Variants in DPP6 observed in about 807,000 individuals in gnomAD.
The protein encoded by DPP6 is dipeptidyl peptidase like 6.
A neutral mutation model predicts 122.6 loss-of-function variants in DPP6; 69 were observed. The ratio of observed to expected loss-of-function variants is 0.56; its 90% confidence interval spans 0.46 to 0.69. The LOEUF (loss-of-function observed/expected upper bound fraction) is 0.69, where lower values mean the gene tolerates loss of function less well. Among genes scored for constraint, DPP6 ranks in the 30% least tolerant of loss-of-function variants. The pLI, the probability that DPP6 is intolerant of heterozygous loss-of-function variation, is 0.00. For missense variants in DPP6, 928 were observed against 1,116.9 expected, an observed-to-expected ratio of 0.83 and a Z score of 2.41; for synonymous variants, 418 against 433.1, an observed-to-expected ratio of 0.97 and a Z score of 0.43.
chr7:154,075,174 G>A (rs1803468872), intron 1 of DPP6, among the ~76,000 whole-genome samples: 1 of 151,746 alleles, frequency 6.6e-6, no homozygotes, highest in Non-Finnish European at 1.5e-5. Flanking sequence ...GCATGGATAT[G>A]GTGAAAAGGG....
intron 14 of DPP6, among the ~76,000 whole-genome samples, chr7:154,804,239 G>A (rs144038400): frequency 2.6e-5 from 4 of 152,370 alleles, no homozygotes; most frequent in Non-Finnish European, 5.9e-5. Context: ...GATGTTGATT[G>A]AGTTTTTACT....
chr7:154,789,249 T>C (rs1168678516), intron 10 of DPP6, among the ~76,000 whole-genome samples: 2 of 152,222 alleles, frequency 1.3e-5, no homozygotes, highest in Non-Finnish European at 2.9e-5. Flanking sequence ...TTTTTTTTTC[T>C]ACCTTCTTAA....
intron 1 of DPP6, among the ~76,000 whole-genome samples, chr7:154,257,708 C>CAAATAAAT (rs34222497): frequency 1.3e-5 from 2 of 151,596 alleles, no homozygotes; most frequent in Non-Finnish European, 2.9e-5. Context: ...CAAAAATAAA[C>CAAATAAAT]AAATAAATAA....
chr7:154,387,780 T>C (rs968768676), intron 1 of DPP6, among the ~76,000 whole-genome samples: 4 of 152,248 alleles, frequency 2.6e-5, no homozygotes, highest in African/African-American at 9.6e-5. Flanking sequence ...CCCCCTTTTA[T>C]GTCAGTCACC....
chr7:154,693,996 G>A (rs982092585), intron 7 of DPP6, among the ~76,000 whole-genome samples: 1 of 152,170 alleles, frequency 6.6e-6, no homozygotes, highest in Non-Finnish European at 1.5e-5. Context: ...ATCGTAGACT[G>A]GGGTGCTTAG....
At chr7:154,142,644 A>T (rs1471922187) in intron 1 of DPP6, among the ~76,000 whole-genome samples, 1 of 152,242 alleles carries the variant, frequency 6.6e-6, no homozygotes, top group East Asian at 1.9e-4. Context: ...GATTAATGTC[A>T]CATGGACTTC....
chr7:153,927,709 A>G (rs1800967166), intron 1 of DPP6, among the ~76,000 whole-genome samples: 1 of 152,098 alleles, frequency 6.6e-6, no homozygotes, highest in South Asian at 2.1e-4. Flanking sequence ...GTATAATCCA[A>G]CCACCCTAGG....
intron 1 of DPP6, among the ~76,000 whole-genome samples, chr7:154,212,077 G>A (rs1799772308): frequency 6.6e-6 from 1 of 152,040 alleles, no homozygotes; most frequent in Admixed American, 6.6e-5. Context: ...AGACAGGGTG[G>A]GTACCTTGCC....
At chr7:154,454,204 G>C (rs1381336608) in intron 2 of DPP6, among the ~76,000 whole-genome samples, 1 of 152,150 alleles carries the variant, frequency 6.6e-6, no homozygotes, top group Non-Finnish European at 1.5e-5. Flanking sequence ...TTGCCCTGGG[G>C]CATCTGCTCT....
intron 21 of DPP6, among the ~76,000 whole-genome samples, chr7:154,883,124 CACAT>C (rs1805551787): frequency 6.6e-6 from 1 of 151,392 alleles, no homozygotes; most frequent in African/African-American, 2.4e-5. Context: ...CATGTGCTCA[CACAT>C]ACACACACAT....
chr7:153,998,071 C>T (rs1440136316), intron 1 of DPP6, among the ~76,000 whole-genome samples: 3 of 150,956 alleles, frequency 2.0e-5, no homozygotes, highest in South Asian at 2.1e-4. Context: ...ACCGAGTCAC[C>T]GACTGTGAGA....
intron 1 of DPP6, among the ~76,000 whole-genome samples, chr7:154,381,815 A>C (rs1010808804): frequency 3.3e-5 from 5 of 152,162 alleles, no homozygotes; most frequent in Non-Finnish European, 7.3e-5. Flanking sequence ...GTGCAGGGCA[A>C]CTGTGGGTCT....
At chr7:154,321,374 A>C (rs1044341089) in intron 1 of DPP6, among the ~76,000 whole-genome samples, 8 of 152,082 alleles carry the variant, frequency 5.3e-5, no homozygotes, top group Admixed American at 5.2e-4. Flanking sequence ...TCTGGGGTGC[A>C]GGGGTGCCAC....
chr7:154,495,744 A>C (rs935556619), intron 3 of DPP6, among the ~76,000 whole-genome samples: 1 of 152,166 alleles, frequency 6.6e-6, no homozygotes, highest in Non-Finnish European at 1.5e-5. Flanking sequence ...TGCAGGAACC[A>C]GTGCGGGGAG....
intron 1 of DPP6, among the ~76,000 whole-genome samples, chr7:154,268,128 T>G (rs2150928519): frequency 6.6e-6 from 1 of 152,182 alleles, no homozygotes. Flanking sequence ...GTCTGAAAGT[T>G]TATGGTTCTA....
At chr7:154,218,239 G>T (rs1449928786) in intron 1 of DPP6, among the ~76,000 whole-genome samples, 1 of 152,106 alleles carries the variant, frequency 6.6e-6, no homozygotes, top group Non-Finnish European at 1.5e-5. Context: ...GAAGTGCCAG[G>T]ATCACTAGAA....
At chr7:154,230,997 A>G (rs775634720) in intron 1 of DPP6, among the ~76,000 whole-genome samples, 11 of 152,230 alleles carry the variant, frequency 7.2e-5, no homozygotes, top group Non-Finnish European at 1.6e-4. Flanking sequence ...GTAATTGGCA[A>G]TTACTTATTT....
chr7:154,174,229 C>G (rs1563277846), intron 1 of DPP6, among the ~76,000 whole-genome samples: 1 of 152,214 alleles, frequency 6.6e-6, no homozygotes, highest in Admixed American at 6.5e-5. Context: ...TCTTGCAGTT[C>G]TGTTTACCCA....
the DPP6 span, among the ~76,000 whole-genome samples, chr7:153,759,503 G>T: frequency 6.6e-6 from 1 of 151,780 alleles, no homozygotes; most frequent in African/African-American, 2.4e-5. Flanking sequence ...GTGTGTGTGT[G>T]TGTATTTTTA....
Sources: allele counts gnomAD v4.1 joint callset (sites outside exome capture counted in the v4.1 genomes callset), GRCh38; gene constraint gnomAD v4.1.1; transcripts MANE v1.5; gene names NCBI Gene and HGNC (gene_info 2026-07-23, HGNC 2026-07-21).